Variants in SFSWAP observed in about 807,000 individuals in gnomAD.
The protein encoded by SFSWAP is splicing factor SWAP, also known as splicing factor, suppressor of white-apricot homolog.
A neutral mutation model predicts 100.7 loss-of-function variants in SFSWAP; 17 were observed. The observed-to-expected ratio is 0.17, with a 90% confidence interval of 0.12 to 0.25. The LOEUF (loss-of-function observed/expected upper bound fraction) is 0.25. Among genes scored for constraint, SFSWAP ranks in the 10% least tolerant of loss-of-function variants. The probability of loss-of-function intolerance (pLI) is 1.00; values close to 1 mark genes in which losing one functional copy is unlikely to be tolerated. For synonymous variants in SFSWAP, 504 were observed against 510.1 expected (o/e 0.99, Z 0.16); for missense variants, 1,005 against 1,262.6 (o/e 0.80, Z 3.09).
intron 7 of SFSWAP, among the ~76,000 whole-genome samples, chr12:131,740,947 CTTTTTTTTTCTTTTTTTTCTTTTT>C (rs1880548720): frequency 1.2e-5 from 1 of 85,968 alleles, no homozygotes; most frequent in Non-Finnish European, 2.6e-5. Context: ...CTTTTCATTT[CTTTTTTTTTCTTTTTTTTCTTTTT>C]TTTTTTTTTT....
chr12:131,776,462 G>T (rs1369458567), intron 13 of SFSWAP, among the ~76,000 whole-genome samples: 1 of 152,238 alleles, frequency 6.6e-6, no homozygotes, highest in Non-Finnish European at 1.5e-5. Context: ...TTAAATTGGG[G>T]CCTGCCCCAC....
Position 131,766,326 on chromosome 12 carries a change from A to G in SFSWAP, c.2142+18A>G, listed in dbSNP as rs149828952. 2,724 of 1,608,776 alleles carry G rather than the reference A, an allele frequency of 1.7e-3. 26 individuals are homozygous for G. The Admixed American group carries it at 0.026, about 15-fold the overall frequency. ...GTGTCGAGGTATAGTAAAATCCCAC[A>G]TTGGTATCTGCGGGGCTGTGTGATA... On this transcript the variant is annotated intron_variant, in intron 13 of 17. Transcript: ENST00000261674.
Position 131,753,319 on chromosome 12 carries a change from A to G in SFSWAP, c.1278A>G (p.Thr426=). The G allele has an allele frequency of 6.2e-7, 1 of 1,611,920 alleles. No individual in the cohort carries two copies. Among genetic ancestry groups the G allele is most frequent in the Non-Finnish European group, 8.5e-7 (1 of 1,178,060 alleles). The change falls in exon 8 of 18, where the codon ACA becomes ACG. Residue 426 remains threonine, a synonymous_variant. Coordinates refer to ENST00000261674, the MANE Select transcript of SFSWAP (RefSeq NM_004592.4). ...CCACACCACTACCGCCCCCAACCAC[A>G]GCAGAGACTAGCAGCGGGGCCACCT... ...PGTTPLPPPT[T]AETSSGATST... is the part of the protein sequence containing the mutation.
intron 7 of SFSWAP, among the ~76,000 whole-genome samples, chr12:131,729,497 C>G (rs1879303521): frequency 6.6e-6 from 1 of 152,158 alleles, no homozygotes; most frequent in African/African-American, 2.4e-5. Context: ...GAGCAGTACC[C>G]TGTCTCAAAA....
Position 131,797,330 on chromosome 12 carries a change from A to C in SFSWAP, c.2687A>C (p.Glu896Ala), listed in dbSNP as rs781227535. The C allele has an allele frequency of 5.3e-5, 85 of 1,609,996 alleles. No individual in the cohort carries two copies. The Middle Eastern group carries it at 8.3e-4, about 16-fold the overall frequency. The part of the protein sequence containing the change: ...SAHSASVSPV[E>A]SRGSSQERSR... The stretch of plus-strand genomic sequence containing the variant: ...CACTCAGCCAGCGTCTCCCCTGTGG[A>C]GAGTCGGGGCTCCAGCCAGGAGCGC... Residue 896 changes from glutamate (E) to alanine (A), a missense_variant, in exon 16 of 18, where the codon GAG becomes GCG. By Grantham distance (107) the Glu-to-Ala change is moderately radical. Around this residue, in one of 7 missense-constraint regions of SFSWAP, gnomAD observed 295 missense variants for 347.9 expected, o/e 0.85. Transcript: ENST00000261674.
chr12:131,799,163 GT>G, intron 17 of SFSWAP, 54 bp downstream of exon 17: 1 of 1,407,856 alleles, frequency 7.1e-7, no homozygotes, highest in Non-Finnish European at 1.0e-6. Flanking sequence ...GGGCCTCGTG[GT>G]TTCTCTGTTG....
In SFSWAP at chr12:131,750,585, T is replaced by A. The variant is rs1224026956; in HGVS notation, c.1082-2538T>A. Among the ~76,000 whole-genome samples, 11 of 152,286 alleles carry A rather than the reference T, an allele frequency of 7.2e-5. No individual in the cohort carries two copies. In the East Asian group the frequency reaches 2.1e-3, roughly 29 times the overall value. ...CAGAGCATTGTCAGCCTGAGTGGTT[T>A]TTAGCGTGGAGCCTCTGAAGCAAGT... is the stretch of plus-strand genomic sequence containing the variant. On this transcript the variant is annotated intron_variant, in intron 7 of 17. Coordinates refer to ENST00000261674, the MANE Select transcript of SFSWAP (RefSeq NM_004592.4).
At chr12:131,732,731 G>A (rs1879628685) in intron 7 of SFSWAP, among the ~76,000 whole-genome samples, 1 of 152,192 alleles carries the variant, frequency 6.6e-6, no homozygotes, top group African/African-American at 2.4e-5. Flanking sequence ...GCATAGCTTT[G>A]TTTCTTAAAC....
chr12:131,744,963 C>T (rs892061467), intron 7 of SFSWAP, among the ~76,000 whole-genome samples: 1 of 152,150 alleles, frequency 6.6e-6, no homozygotes, highest in Admixed American at 6.5e-5. Context: ...GAGAACAGCG[C>T]AGGAAAGACC....
In SFSWAP at chr12:131,719,467, C is replaced by A. The variant is rs568768973; in HGVS notation, c.534C>A (p.Ala178=). 1.9e-6 allele frequency: 3 copies of A among 1,613,752 alleles called. No homozygotes were observed. The highest frequency in any genetic ancestry group is 2.5e-6 in the Non-Finnish European group (3 of 1,179,948). The change falls in exon 4 of 18, where the codon GCC becomes GCA. Residue 178 remains alanine, a synonymous_variant. Coordinates refer to ENST00000261674, the MANE Select transcript of SFSWAP (RefSeq NM_004592.4). The part of the protein sequence containing the change: ...EPSKQREKNE[A]ENLEENEEPF... The stretch of plus-strand genomic sequence containing the variant: ...CTTTTTATGCAGAAAAAAATGAGGC[C>A]GAAAATTTAGAGGAAAATGAAGAGC...
At chr12:131,731,648 A>G (rs1474689373) in intron 7 of SFSWAP, among the ~76,000 whole-genome samples, 3 of 152,210 alleles carry the variant, frequency 2.0e-5, no homozygotes, top group African/African-American at 4.8e-5. Flanking sequence ...TAGAGGGAAC[A>G]CTGGTCATAG....
chr12:131,753,831 G>A (rs1417538253), intron 8 of SFSWAP, among the ~76,000 whole-genome samples: 1 of 152,182 alleles, frequency 6.6e-6, no homozygotes, highest in Non-Finnish European at 1.5e-5. Flanking sequence ...GCCATCGGCA[G>A]AGCCCTAGCT....
At position 131,786,535 on chromosome 12, in the gene SFSWAP, T is replaced by A; in HGVS notation, c.2481T>A (p.Thr827=). Residue 827 remains threonine (T), a synonymous_variant, in exon 15 of 18, where the codon ACT becomes ACA. Coordinates refer to ENST00000261674, the MANE Select transcript of SFSWAP (RefSeq NM_004592.4). ...GGAGGGAAGAGAGGAGTGTGCCCAC[T>A]GCCTACCGCGTGAGCCGCAGCCCTG... The part of the protein sequence containing the change: ...ERRREERSVP[T]AYRVSRSPGA... The A allele has an allele frequency of 6.3e-7, 1 of 1,587,492 alleles. No individual in the cohort carries two copies.
intron 7 of SFSWAP, among the ~76,000 whole-genome samples, chr12:131,737,336 A>G (rs1045914544): frequency 6.6e-6 from 1 of 152,178 alleles, no homozygotes; most frequent in African/African-American, 2.4e-5. Context: ...CAGCACAGAG[A>G]GGGGAACTGG....
intron 14 of SFSWAP, among the ~76,000 whole-genome samples, chr12:131,783,089 G>A (rs574515474): frequency 5.3e-5 from 8 of 151,190 alleles, no homozygotes; most frequent in Non-Finnish European, 1.2e-4. Context: ...GCTGAGGCAG[G>A]AGAATTGCTT....
intron 7 of SFSWAP, among the ~76,000 whole-genome samples, chr12:131,738,885 C>CTTTTTTTTTTTTTTTTTTTATTTTT (rs1880309840): frequency 2.1e-5 from 1 of 48,718 alleles, no homozygotes; most frequent in African/African-American, 5.8e-5. Flanking sequence ...GAACATTATT[C>CTTTTTTTTTTTTTTTTTTTATTTTT]TTTTTTTTTT....
chr12:131,769,829 A>G (rs1470288411), intron 13 of SFSWAP, among the ~76,000 whole-genome samples: 1 of 152,088 alleles, frequency 6.6e-6, no homozygotes, highest in Non-Finnish European at 1.5e-5. Context: ...GGGTTTCACC[A>G]TGTTAGCCAA....
At chr12:131,775,892 C>A (rs994317087) in intron 13 of SFSWAP, among the ~76,000 whole-genome samples, 17 of 151,196 alleles carry the variant, frequency 1.1e-4, no homozygotes, top group African/African-American at 3.9e-4. Flanking sequence ...GAGTTTGAGA[C>A]CAGCCTGGCC....
intron 7 of SFSWAP, among the ~76,000 whole-genome samples, chr12:131,752,218 A>G (rs1014226164): frequency 6.6e-6 from 1 of 152,236 alleles, no homozygotes. Flanking sequence ...ATTGAAAGTG[A>G]AGATAAAAGT....
Sources: gnomAD v4.1 joint callset for allele counts (sites outside exome capture counted in the v4.1 genomes callset) on GRCh38, gnomAD v4.1.1 for gene constraint, gnomAD v4.1.1 regional missense constraint, MANE v1.5 for transcripts, NCBI Gene and HGNC (gene_info 2026-07-23, HGNC 2026-07-21) for gene names.